HDAC4: variants seen among roughly 807,000 people sequenced by gnomAD.
HDAC4 encodes histone deacetylase A.
HDAC4 carries 16 observed loss-of-function variants against 135.1 expected under a neutral mutation model. That is an observed-to-expected ratio of 0.12 (90% CI 0.08 to 0.18). The LOEUF is 0.18. HDAC4 is among the 10% of genes least tolerant of loss of function. The pLI is 1.00. For missense variants in HDAC4, 1,143 were observed against 1,511.8 expected (o/e 0.76, Z 4.05); for synonymous variants, 685 against 653.4 (o/e 1.05, Z -0.74).
At chr2:239,260,809 C>T (rs112691190) in intron 2 of HDAC4, among the ~76,000 whole-genome samples, 7 of 152,294 alleles carry the variant, frequency 4.6e-5, no homozygotes, top group Middle Eastern at 3.4e-3. Flanking sequence ...GGCAGGAAGG[C>T]GGCTCACATT....
chr2:239,066,596 G>T, intron 24 of HDAC4, 126 bp downstream of exon 24: 1 of 1,265,622 alleles, frequency 7.9e-7, no homozygotes. Context: ...GCAAGGCGGA[G>T]CTGCAAGCAT....
chr2:239,067,296 G>A (rs1044018589), intron 23 of HDAC4, among the ~76,000 whole-genome samples: 7 of 152,124 alleles, frequency 4.6e-5, no homozygotes, highest in Non-Finnish European at 8.8e-5. Flanking sequence ...AGGTCTGAGC[G>A]TTTGGCTTTG....
At position 239,139,326 on chromosome 2, in the gene HDAC4, C is replaced by T. The variant is rs148412186; in HGVS notation, c.978+358G>A. 1.6e-3 allele frequency among the ~76,000 whole-genome samples: 237 copies of T among 152,328 alleles called. 1 individual carries two copies. Among genetic ancestry groups the T allele is most frequent in the African/African-American group, 5.6e-3 (232 of 41,572 alleles). On this transcript the variant is annotated intron_variant, in intron 9 of 26. Transcript: ENST00000543185. This position sits in a 1 kb window ranked among gnomAD's most constrained non-coding sequence, Gnocchi z 5.3. ...ACCCTCAGAGCACTGGCGACCACAG[C>T]GAGCTGGGCAGCAGGGATCCTGTCC...
At position 239,052,808 on chromosome 2, in the gene HDAC4, C is replaced by T. The variant is rs946754945; in HGVS notation, c.*289G>A. ...CAGGCTCCTTTCTTCCACGGCGTCC[C>T]TTGCGGGACCCGCCAGAGTGTGCTT... On this transcript the variant is annotated 3_prime_UTR_variant, in exon 27 of 27. Transcript: ENST00000543185. 4.3e-6 allele frequency: 2 copies of T among 463,054 alleles called. No homozygotes were observed. Among genetic ancestry groups the T allele is most frequent in the African/African-American group, 3.9e-5 (2 of 51,426 alleles). 28.7% of individuals were successfully genotyped at this position (463,054 alleles called of 1,614,324 possible).
intron 1 of HDAC4, among the ~76,000 whole-genome samples, chr2:239,378,661 C>T (rs1203160858): frequency 3.3e-5 from 5 of 151,992 alleles, no homozygotes; most frequent in African/African-American, 9.7e-5. Flanking sequence ...CCAATGACCC[C>T]GGGAACCAAT....
intron 4 of HDAC4, among the ~76,000 whole-genome samples, chr2:239,186,264 T>G (rs2153033758): frequency 6.6e-6 from 1 of 152,328 alleles, no homozygotes; most frequent in South Asian, 2.1e-4. Flanking sequence ...TAAAAATGAC[T>G]CCCTTTTCAA....
intron 6 of HDAC4, among the ~76,000 whole-genome samples, chr2:239,159,938 A>C (rs1316481039): frequency 1.3e-5 from 2 of 152,280 alleles, no homozygotes; most frequent in Non-Finnish European, 2.9e-5. Flanking sequence ...TTCCGGAGGA[A>C]GATGGAAAAG....
At chr2:239,271,163 G>A (rs776421034) in intron 2 of HDAC4, among the ~76,000 whole-genome samples, 4 of 152,162 alleles carry the variant, frequency 2.6e-5, no homozygotes, top group African/African-American at 4.8e-5. Flanking sequence ...GCCCAGGCTG[G>A]AATGCAGTGG....
At chr2:239,229,587 T>C (rs1324209876) in intron 3 of HDAC4, among the ~76,000 whole-genome samples, 2 of 152,160 alleles carry the variant, frequency 1.3e-5, no homozygotes, top group African/African-American at 4.8e-5. Flanking sequence ...ACGTTACAGG[T>C]TGGCTTTATG....
intron 13 of HDAC4, among the ~76,000 whole-genome samples, 174 bp from the exon 14 acceptor site, chr2:239,111,886 G>A (rs780542176): frequency 6.6e-6 from 1 of 152,224 alleles, no homozygotes; most frequent in Non-Finnish European, 1.5e-5. Context: ...GTGCCCTGAA[G>A]CCTGAGTGGG....
At chr2:239,179,234 C>T (rs376393982) in intron 4 of HDAC4, among the ~76,000 whole-genome samples, 25 of 152,354 alleles carry the variant, frequency 1.6e-4, no homozygotes, top group African/African-American at 5.1e-4. Flanking sequence ...ATGCCACCCA[C>T]GTCACACTGT....
chr2:239,202,950 G>C (rs926407633), intron 3 of HDAC4, among the ~76,000 whole-genome samples: 4 of 152,186 alleles, frequency 2.6e-5, no homozygotes, highest in African/African-American at 9.7e-5. Context: ...CGCCTGAGCA[G>C]CAGCAGACTG....
chr2:239,161,379 T>C (rs572213111), intron 6 of HDAC4, among the ~76,000 whole-genome samples: 1 of 152,220 alleles, frequency 6.6e-6, no homozygotes, highest in African/African-American at 2.4e-5. Flanking sequence ...CCCATCAAGG[T>C]TGGGAAAAGT....
intron 1 of HDAC4, among the ~76,000 whole-genome samples, chr2:239,363,643 A>G (rs1429413553): frequency 6.6e-6 from 1 of 152,236 alleles, no homozygotes; most frequent in Non-Finnish European, 1.5e-5. Context: ...GGTCTAAAAG[A>G]CAACAACAAA....
intron 8 of HDAC4, among the ~76,000 whole-genome samples, chr2:239,142,574 G>C (rs1243922650): frequency 1.3e-5 from 2 of 152,226 alleles, no homozygotes; most frequent in Admixed American, 1.3e-4. Flanking sequence ...GCCTCGGCAC[G>C]GGCTCCCTTT....
intron 1 of HDAC4, among the ~76,000 whole-genome samples, chr2:239,398,974 T>TA (rs1553618431): frequency 6.6e-6 from 1 of 152,248 alleles, no homozygotes; most frequent in Admixed American, 6.5e-5. Context: ...ATTTGATCTC[T>TA]AAAATAAAAG....
intron 4 of HDAC4, among the ~76,000 whole-genome samples, chr2:239,184,943 G>T (rs1283482548): frequency 7.1e-5 from 9 of 127,230 alleles, no homozygotes; most frequent in Non-Finnish European, 8.2e-5. Context: ...CTCAGTGTCT[G>T]CCCTGGAGGA....
In HDAC4 at chr2:239,285,806, T is replaced by C. The variant is rs1421958007; in HGVS notation, c.23-49142A>G. Among the ~76,000 whole-genome samples the C allele has an allele frequency of 6.6e-6, 1 of 152,166 alleles. No individual in the cohort carries two copies. The highest frequency in any genetic ancestry group is 1.9e-4 in the East Asian group (1 of 5,174). On this transcript the variant is annotated intron_variant, in intron 2 of 26. Transcript: ENST00000543185. This position sits in a 1 kb window ranked among gnomAD's most constrained non-coding sequence, Gnocchi z 4.5. ...TGAGGGCAGCGGGTGGAGGACTGCA[T>C]GGGGGTCAGGACCGAGGTGAGCCCA...
At position 239,139,908 on chromosome 2, in the gene HDAC4, C is replaced by T. The variant is rs1259249140; in HGVS notation, c.866-112G>A. On this transcript the variant is annotated intron_variant, in intron 8 of 26. Coordinates refer to ENST00000543185, the MANE Select transcript of HDAC4 (RefSeq NM_001378414.1). The surrounding 1 kb of genome is among the most constrained non-coding windows in gnomAD (Gnocchi z 5.3). ...CACGGACCTGCTCGTTAGCTTGCGA[C>T]AGGCAGAAGTCCCAACAAAAAGAAC... The T allele has an allele frequency of 2.6e-6, 2 of 759,472 alleles. No homozygotes were observed. The highest frequency in any genetic ancestry group is 4.6e-6 in the Non-Finnish European group (2 of 437,746). The allele number at this position is 759,472 out of a possible 1,614,324, so 47.0% of individuals were successfully genotyped here.
Sources: allele counts gnomAD v4.1 joint callset (sites outside exome capture counted in the v4.1 genomes callset), GRCh38; gene constraint gnomAD v4.1.1; non-coding constraint Gnocchi (gnomAD v3.1); transcripts MANE v1.5; gene names NCBI Gene and HGNC (gene_info 2026-07-23, HGNC 2026-07-21).